PHACTR2: variants seen among roughly 807,000 people sequenced by gnomAD.
PHACTR2 encodes phosphatase and actin regulator 2.
In PHACTR2, 30 loss-of-function variants were observed where a neutral mutation model predicts 76.0. The observed-to-expected ratio is 0.39, with a 90% CI of 0.30 to 0.54. The LOEUF is 0.54. Ranked by LOEUF, PHACTR2 falls within the 20% of genes least tolerant of loss-of-function variation. PHACTR2 has a pLI of 0.61. For missense variants in PHACTR2, 696 were observed against 781.1 expected (o/e 0.89, Z 1.30); for synonymous variants, 292 against 292.5 (o/e 1.00, Z 0.02).
intron 1 of PHACTR2, among the ~76,000 whole-genome samples, chr6:143,701,423 C>T (rs970523848): frequency 1.3e-5 from 2 of 152,156 alleles, no homozygotes; most frequent in African/African-American, 4.8e-5. Flanking sequence ...CACTGCCTGC[C>T]GCCAGCGTGA....
At chr6:143,634,087 C>T (rs1023071380) in intron 1 of PHACTR2, among the ~76,000 whole-genome samples, 1 of 152,188 alleles carries the variant, frequency 6.6e-6, no homozygotes, top group African/African-American at 2.4e-5. Context: ...AAAATAATCT[C>T]ATGTAGAAAA....
In PHACTR2 at chr6:143,820,694, C is replaced by CATTCTGGG. The variant is rs1386545538; in HGVS notation, c.1923-2979_1923-2972dup. 6.6e-6 allele frequency among the ~76,000 whole-genome samples: 1 copy of CATTCTGGG among 152,238 alleles called. No individual in the cohort carries two copies. Among genetic ancestry groups the CATTCTGGG allele is most frequent in the Non-Finnish European group, 1.5e-5 (1 of 68,050 alleles). On this transcript the variant is annotated intron_variant, in intron 12 of 12. Transcript: ENST00000440869. The surrounding 1 kb of genome is among the most constrained non-coding windows in gnomAD (Gnocchi z 4.2). Reference sequence around the variant, plus strand: ...GGGTGCAAGCTGCCAGTGGATCTACCATTCTGGGGTCTGGAGGACAGTGAC... The same window carrying CATTCTGGG: ...GGGTGCAAGCTGCCAGTGGATCTACCATTCTGGGATTCTGGGGTCTGGAGGACAGTGAC...
rs1775051874 is a variant in PHACTR2, at chr6:143,549,283, A to G, written c.217+12076A>G. Among the ~76,000 whole-genome samples the G allele has an allele frequency of 6.6e-6, 1 of 152,070 alleles. No homozygotes were observed. Among genetic ancestry groups the G allele is most frequent in the South Asian group, 2.1e-4 (1 of 4,818 alleles). ...AATGGAACAATATGGTAGTGAGGCC[A>G]GTTCAAACCCTTGCTTTCTGGGGAT... On this transcript the variant is annotated intron_variant, in intron 1 of 11. Transcript: ENST00000367584. The surrounding 1 kb of genome is among the most constrained non-coding windows in gnomAD (Gnocchi z 4.2).
intron 1 of PHACTR2, among the ~76,000 whole-genome samples, chr6:143,669,071 T>C (rs992333119): frequency 6.6e-6 from 1 of 152,214 alleles, no homozygotes; most frequent in African/African-American, 2.4e-5. Context: ...GTGTGTTGTG[T>C]CTTTTTTTCT....
rs189007225 is a variant in PHACTR2, at chr6:143,664,836, T to A, written c.14-47180T>A. 3.2e-4 allele frequency among the ~76,000 whole-genome samples: 48 copies of A among 152,288 alleles called. 1 individual carries two copies. The East Asian group carries it at 7.5e-3, about 24-fold the overall frequency. ...TATTTTGAGACACTGTCTTGCTCTG[T>A]CACCCAGGCTGGAGTGCAGTGGTGC... On this transcript the variant is annotated intron_variant, in intron 1 of 11. Coordinates refer to the PHACTR2 transcript ENST00000305766. This position sits in a 1 kb window ranked among gnomAD's most constrained non-coding sequence, Gnocchi z 5.1.
intron 1 of PHACTR2, among the ~76,000 whole-genome samples, chr6:143,649,032 G>C (rs1158372123): frequency 6.6e-6 from 1 of 152,128 alleles, no homozygotes; most frequent in East Asian, 1.9e-4. Context: ...CTATGTGCAT[G>C]ACTGTGTGTG....
Position 143,580,262 on chromosome 6 carries a change from G to C in PHACTR2, c.217+43055G>C, listed in dbSNP as rs1239627140. Among the ~76,000 whole-genome samples the C allele has an allele frequency of 6.6e-6, 1 of 152,158 alleles. No individual in the cohort carries two copies. The highest frequency in any genetic ancestry group is 6.5e-5 in the Admixed American group (1 of 15,280). ...GCACTTTGGGAGGCCAAGGCAGGCA[G>C]ATCACGAGGTCAGGAAATCGAGACC... On this transcript the variant is annotated intron_variant, in intron 1 of 11. Transcript: ENST00000367584. This position sits in a 1 kb window ranked among gnomAD's most constrained non-coding sequence, Gnocchi z 4.2.
At chr6:143,677,590 T>A (rs1288433158), upstream of PHACTR2, among the ~76,000 whole-genome samples, 1 of 152,106 alleles carries the variant, frequency 6.6e-6, no homozygotes, top group African/African-American at 2.4e-5. Context: ...AGATAATTTT[T>A]AAAACGAGAA....
intron 1 of PHACTR2, among the ~76,000 whole-genome samples, chr6:143,644,387 G>T (rs1369980962): frequency 2.0e-5 from 3 of 147,732 alleles, no homozygotes; most frequent in Non-Finnish European, 4.4e-5. Context: ...AGAATGGGGT[G>T]AACCCGGGAG....
intron 1 of PHACTR2, among the ~76,000 whole-genome samples, chr6:143,613,127 C>G (rs900447449): frequency 2.0e-5 from 3 of 152,222 alleles, no homozygotes; most frequent in Admixed American, 6.5e-5. Flanking sequence ...CAGGCGCCTG[C>G]CCCCATGCCC....
rs150810661 is a variant in PHACTR2 at position 143,656,185 on chromosome 6, T to C, written c.13+47863T>C. Among the ~76,000 whole-genome samples the C allele has an allele frequency of 2.8e-4, 42 of 152,340 alleles. No homozygotes were observed. The East Asian group carries it at 7.7e-3, about 28-fold the overall frequency. On this transcript the variant is annotated intron_variant, in intron 1 of 11. Coordinates refer to the PHACTR2 transcript ENST00000305766. The surrounding 1 kb of genome is among the most constrained non-coding windows in gnomAD (Gnocchi z 5.3). Reference sequence around the variant, plus strand: ...TCTAGCAGGGTTGTCTGGTGGGACATGCCCTGGGATATGGGGTCAGTCCAT... The same window carrying C: ...TCTAGCAGGGTTGTCTGGTGGGACACGCCCTGGGATATGGGGTCAGTCCAT...
Position 143,816,651 on chromosome 6 carries a change from T to G in PHACTR2, c.1923-7023T>G, listed in dbSNP as rs1283710013. Among the ~76,000 whole-genome samples the G allele has an allele frequency of 6.6e-6, 1 of 151,980 alleles. No homozygotes were observed. The highest frequency in any genetic ancestry group is 2.4e-5 in the African/African-American group (1 of 41,358). On this transcript the variant is annotated intron_variant, in intron 12 of 12. Transcript: ENST00000440869. This position sits in a 1 kb window ranked among gnomAD's most constrained non-coding sequence, Gnocchi z 4.5. ...GCAATCTAGACTGTGGAACTCACTG[T>G]GTACTGCGATCCATGGGCAAATGGT...
rs1321455827 is a variant in PHACTR2, at chr6:143,700,400, C to G, written c.47-11616C>G. On this transcript the variant is annotated intron_variant, in intron 1 of 12. Coordinates refer to ENST00000440869, the MANE Select transcript of PHACTR2 (RefSeq NM_001100164.2). The surrounding 1 kb of genome is among the most constrained non-coding windows in gnomAD (Gnocchi z 4.1). ...TGAAACCGCGTCTCTACTAAAAATA[C>G]AGAAATTAGCAAGGCATGGTGGCAT... Among the ~76,000 whole-genome samples the G allele has an allele frequency of 6.6e-6, 1 of 152,068 alleles. No individual in the cohort carries two copies. Among genetic ancestry groups the G allele is most frequent in the Non-Finnish European group, 1.5e-5 (1 of 68,034 alleles).
At chr6:143,661,628 G>A (rs13210200) in intron 1 of PHACTR2, among the ~76,000 whole-genome samples, 6,404 of 148,208 alleles carry the variant, frequency 0.043, 173 homozygotes, top group Middle Eastern at 0.085. Flanking sequence ...GCACAATCTC[G>A]GCTCACTACA....
chr6:143,596,833 A>G lies in PHACTR2; in HGVS notation c.217+59626A>G, dbSNP rs1378941167. 6.6e-6 allele frequency among the ~76,000 whole-genome samples: 1 copy of G among 152,088 alleles called. No individual in the cohort carries two copies. The highest frequency in any genetic ancestry group is 2.4e-5 in the African/African-American group (1 of 41,402). ...AGCTTGAGTGACAGAGTGAGACCTC[A>G]TCTCAAAAAAAATAAAAATAAAAAT... On this transcript the variant is annotated intron_variant, in intron 1 of 11. Transcript: ENST00000367584. This position sits in a 1 kb window ranked among gnomAD's most constrained non-coding sequence, Gnocchi z 4.6.
At position 143,589,585 on chromosome 6, in the gene PHACTR2, C is replaced by T. The variant is rs551598332; in HGVS notation, c.217+52378C>T. On this transcript the variant is annotated intron_variant, in intron 1 of 11. Coordinates refer to the PHACTR2 transcript ENST00000367584. The surrounding 1 kb of genome is among the most constrained non-coding windows in gnomAD (Gnocchi z 4.4). ...CTGCCGTCTTGTATCCTCAGGTGGT[C>T]TTTTCTCTGTGTGTTCACTTCCGGT... Among the ~76,000 whole-genome samples, 5 of 152,244 alleles carry T rather than the reference C, an allele frequency of 3.3e-5. No individual in the cohort carries two copies. The South Asian group carries it at 1.0e-3, about 32-fold the overall frequency.
Position 143,624,232 on chromosome 6 carries a change from G to A in PHACTR2, c.13+15910G>A, listed in dbSNP as rs111253925. Among the ~76,000 whole-genome samples the A allele has an allele frequency of 1.3e-5, 2 of 151,880 alleles. No individual in the cohort carries two copies. The highest frequency in any genetic ancestry group is 1.9e-4 in the East Asian group (1 of 5,184). On this transcript the variant is annotated intron_variant, in intron 1 of 11. Transcript: ENST00000305766. This position sits in a 1 kb window ranked among gnomAD's most constrained non-coding sequence, Gnocchi z 4.6. Reference sequence around the variant, plus strand: ...AGCAATTCTCCTGCCTCAGCTTCCCGAGTAGCTGGGATTACAGGTGCCTGC... The same window carrying A: ...AGCAATTCTCCTGCCTCAGCTTCCCAAGTAGCTGGGATTACAGGTGCCTGC...
At position 143,652,561 on chromosome 6, in the gene PHACTR2, AGT is replaced by A. The variant is rs953764667; in HGVS notation, c.13+44242_13+44243del. ...TTGTGGATATTTGTGAGTACACTTA[AGT>A]GTTTTTGTTTTCCACTATGCTAGGT... is the stretch of plus-strand genomic sequence containing the variant. On this transcript the variant is annotated intron_variant, in intron 1 of 11. Coordinates refer to the PHACTR2 transcript ENST00000305766. The surrounding 1 kb of genome is among the most constrained non-coding windows in gnomAD (Gnocchi z 4.5). Among the ~76,000 whole-genome samples the A allele has an allele frequency of 2.0e-5, 3 of 152,188 alleles. No individual in the cohort carries two copies. Among genetic ancestry groups the A allele is most frequent in the African/African-American group, 7.2e-5 (3 of 41,444 alleles).
rs1273151738 is a variant in PHACTR2 at position 143,827,152 on chromosome 6, G to GAAAA, written c.*3464_*3467dup. On this transcript the variant is annotated 3_prime_UTR_variant, in exon 13 of 13. Transcript: ENST00000440869. ...TCAGGGCTGCGTTGGCATTAAAAAA[G>GAAAA]AAAATATATATATATATATATATAT... 1.0e-3 allele frequency: 41 copies of GAAAA among 39,890 alleles called. No homozygotes were observed. The highest frequency in any genetic ancestry group is 2.6e-3 in the African/African-American group (29 of 11,088). The allele number at this position is 39,890 out of a possible 1,614,324, so 2.5% of individuals were successfully genotyped here. A position where few individuals can be genotyped will look rare whatever the true frequency, so the allele number is the denominator to read the frequency against.
Sources: allele counts gnomAD v4.1 joint callset (sites outside exome capture counted in the v4.1 genomes callset), GRCh38; gene constraint gnomAD v4.1.1; non-coding constraint Gnocchi (gnomAD v3.1); transcripts MANE v1.5; gene names NCBI Gene and HGNC (gene_info 2026-07-23, HGNC 2026-07-21).